The following RFNG variants were observed in gnomAD, a reference collection of about 807,000 sequenced individuals.
RFNG encodes the protein RFNG O-fucosylpeptide 3-beta-N-acetylglucosaminyltransferase, also known as beta-1,3-N-acetylglucosaminyltransferase radical fringe.
In RFNG, 37 loss-of-function variants were observed where a neutral mutation model predicts 29.6. The ratio of observed to expected loss-of-function variants is 1.25; its 90% confidence interval spans 0.96 to 1.65. RFNG has a LOEUF of 1.65. Ranked by LOEUF, RFNG falls within the 40% of genes most tolerant of loss-of-function variation. The pLI, the probability that RFNG is intolerant of heterozygous loss-of-function variation, is 0.00. For missense variants in RFNG, 546 were observed against 457.0 expected (o/e 1.19, Z -1.78); for synonymous variants, 276 against 197.3 (o/e 1.40, Z -3.34).
At position 82,051,400 on chromosome 17, in the gene RFNG, C is replaced by G. The variant is rs867394022; in HGVS notation, c.268-58G>C. 8.5e-6 allele frequency: 12 copies of G among 1,409,852 alleles called. 1 individual carries two copies. In the Middle Eastern group the frequency reaches 2.3e-3, roughly 275 times the overall value. The allele number at this position is 1,409,852 out of a possible 1,614,324, so 87.3% of individuals were successfully genotyped here. On this transcript the variant is annotated intron_variant, in intron 1 of 7. Transcript: ENST00000310496. This position sits in a 1 kb window ranked among gnomAD's most constrained non-coding sequence, Gnocchi z 4.1. ...GCGCTGCCCAGGCCGGAGACCGACCCGCCCCGCGCGGAGCCTCCGGGGGCC... is the reference window on the plus strand; with the variant it reads ...GCGCTGCCCAGGCCGGAGACCGACCGGCCCCGCGCGGAGCCTCCGGGGGCC...
At position 82,049,046 on chromosome 17, in the gene RFNG, T is replaced by A; in HGVS notation, c.899A>T (p.His300Leu). 6.2e-7 allele frequency: 1 copy of A among 1,613,370 alleles called. No individual in the cohort carries two copies. Among genetic ancestry groups the A allele is most frequent in the Non-Finnish European group, 8.5e-7 (1 of 1,179,862 alleles). Residue 300 changes from histidine to leucine, a missense_variant, in exon 7 of 8, where the codon CAT becomes CTT. By Grantham distance (99) the His-to-Leu change is moderately conservative. Transcript: ENST00000310496. ...VVNVAGGFSL[H>L]QDPTRFKSIH... is the part of the protein sequence containing the mutation. ...ACCTACTCACCGTGTGGGGTCTTGA[T>A]GCAGGCTGAAGCCTCCAGCCACGTT...
intron 6 of RFNG, 199 bp downstream of exon 6, chr17:82,049,478 G>A: frequency 4.1e-6 from 3 of 736,896 alleles, no homozygotes; most frequent in Non-Finnish European, 7.2e-6. Flanking sequence ...TCGTTCCTCT[G>A]CCCCAGACAC....
At position 82,048,423 on chromosome 17, in the gene RFNG, C is replaced by T. The variant is rs116691575; in HGVS notation, c.*303G>A. ...TGGAGCCCGGATGGCAGCTCCCTCC[C>T]AGGTGCGCAAGTGCTGGGGTGGAAG... On this transcript the variant is annotated 3_prime_UTR_variant, in exon 8 of 8. Transcript: ENST00000310496. The T allele has an allele frequency of 2.3e-4, 98 of 421,892 alleles. No homozygotes were observed. Among genetic ancestry groups the T allele is most frequent in the African/African-American group, 1.9e-3 (92 of 49,490 alleles). The allele number at this position is 421,892 out of a possible 1,614,324, so 26.1% of individuals were successfully genotyped here.
In RFNG at chr17:82,048,700, G is replaced by T. The variant is rs765797204; in HGVS notation, c.*26C>A. 3 of 1,599,690 alleles carry T rather than the reference G, an allele frequency of 1.9e-6. No individual in the cohort carries two copies. Among genetic ancestry groups the T allele is most frequent in the Admixed American group, 3.3e-5 (2 of 60,000 alleles). On this transcript the variant is annotated 3_prime_UTR_variant, in exon 8 of 8. Transcript: ENST00000310496. ...TTCCCCGCGCCTGGGACAGAGCCAG[G>T]CAGCCCTGGGTCGGGGTGGTTGGTG...
chr17:82,049,546 G>A (rs2030135853), intron 6 of RFNG, 131 bp downstream of exon 6: 1 of 1,095,794 alleles, frequency 9.1e-7, no homozygotes, highest in Non-Finnish European at 1.3e-6. Context: ...CCTGTCCAGG[G>A]TCCACCCCCA....
chr17:82,051,154 C>G lies in RFNG; in HGVS notation c.316+140G>C, dbSNP rs977036470. ...GTGGGCCCTCCGCAGGCCGCGTGACCTGGGCAGCGTCGGGGCCTCCCCGGG... is the reference window on the plus strand; with the variant it reads ...GTGGGCCCTCCGCAGGCCGCGTGACGTGGGCAGCGTCGGGGCCTCCCCGGG... On this transcript the variant is annotated intron_variant, in intron 2 of 7. Coordinates refer to ENST00000310496, the MANE Select transcript of RFNG (RefSeq NM_002917.2). This position sits in a 1 kb window ranked among gnomAD's most constrained non-coding sequence, Gnocchi z 4.1. 53 of 1,310,338 alleles carry G rather than the reference C, an allele frequency of 4.0e-5. No homozygotes were observed. The highest frequency in any genetic ancestry group is 5.1e-5 in the Non-Finnish European group (52 of 1,029,702). The allele number at this position is 1,310,338 out of a possible 1,614,324, so 81.2% of individuals were successfully genotyped here.
rs571964164 is a variant in RFNG at position 82,048,573 on chromosome 17, A to AG, written c.*152dup. 1.1e-4 allele frequency: 73 copies of AG among 653,592 alleles called. 1 individual carries two copies. The highest frequency in any genetic ancestry group is 1.1e-3 in the African/African-American group (60 of 55,254). The allele number at this position is 653,592 out of a possible 1,614,324, so 40.5% of individuals were successfully genotyped here. The stretch of plus-strand genomic sequence containing the variant: ...ACCGCAGCCCACCAGGGGCTGGGAG[A>AG]GGGGGGGCTGCAGGCTAGCCAGAGG... On this transcript the variant is annotated 3_prime_UTR_variant, in exon 8 of 8. Transcript: ENST00000310496.
chr17:82,050,842 C>CAA, intron 2 of RFNG, 78 bp from the exon 3 acceptor site: 1 of 1,502,142 alleles, frequency 6.7e-7, no homozygotes, highest in Non-Finnish European at 9.1e-7. Flanking sequence ...CACCTGCCCC[C>CAA]AAGGGCCAGG....
chr17:82,051,199 G>C lies in RFNG; in HGVS notation c.316+95C>G. 1 of 1,307,964 alleles carries C rather than the reference G, an allele frequency of 7.6e-7. No homozygotes were observed. Among genetic ancestry groups the C allele is most frequent in the Non-Finnish European group, 9.8e-7 (1 of 1,024,958 alleles). The allele number at this position is 1,307,964 out of a possible 1,614,324, so 81.0% of individuals were successfully genotyped here. On this transcript the variant is annotated intron_variant, in intron 2 of 7. Coordinates refer to ENST00000310496, the MANE Select transcript of RFNG (RefSeq NM_002917.2). The surrounding 1 kb of genome is among the most constrained non-coding windows in gnomAD (Gnocchi z 4.1). ...CCCGGGCCTCGGGAGCCTGGGCAGA[G>C]AAAGGCACCCACAGCAGCGAAGGGG...
chr17:82,049,849 G>A lies in RFNG; in HGVS notation c.663-7C>T, dbSNP rs766033714. 15 of 1,604,702 alleles carry A rather than the reference G, an allele frequency of 9.3e-6. No individual in the cohort carries two copies. Among genetic ancestry groups the A allele is most frequent in the East Asian group, 8.9e-5 (4 of 44,766 alleles). ...GCTCATGAAGCTGCCCAGGCTGGGG[G>A]GAGGCCGGTCAGCACCTTTCAGGTC... On this transcript the variant is annotated splice_region_variant and splice_polypyrimidine_tract_variant and intron_variant, in intron 5 of 7. Coordinates refer to ENST00000310496, the MANE Select transcript of RFNG (RefSeq NM_002917.2).
Position 82,051,458 on chromosome 17 carries a change from G to C in RFNG, c.267+42C>G. The C allele has an allele frequency of 7.4e-7, 1 of 1,342,698 alleles. No homozygotes were observed. Among genetic ancestry groups the C allele is most frequent in the Non-Finnish European group, 9.6e-7 (1 of 1,044,636 alleles). The allele number at this position is 1,342,698 out of a possible 1,614,324, so 83.2% of individuals were successfully genotyped here. A position where few individuals can be genotyped will look rare whatever the true frequency, so the allele number is the denominator to read the frequency against. ...GGCCTAGACCCTGGGAGGCGGGGCG[G>C]GTGGGCGTGGGGCTCGCCGTCGGGG... is the stretch of plus-strand genomic sequence containing the variant. On this transcript the variant is annotated intron_variant, in intron 1 of 7. Coordinates refer to ENST00000310496, the MANE Select transcript of RFNG (RefSeq NM_002917.2). This position sits in a 1 kb window ranked among gnomAD's most constrained non-coding sequence, Gnocchi z 4.1.
At chr17:82,049,304 G>A (rs759723628) in intron 6 of RFNG, 188 bp from the exon 7 acceptor site, 34 of 705,092 alleles carry the variant, frequency 4.8e-5, no homozygotes, top group South Asian at 2.2e-4. Flanking sequence ...GGCAGAGCCT[G>A]GGGGACAGAA....
rs755250241 is a variant in RFNG at position 82,048,788 on chromosome 17, G to A, written c.934C>T (p.Leu312Phe). Reference sequence around the variant, plus strand: ...CACCAGTCCGTGTCTGGGTACAGAAGACAATGGATAGACTTAAACCTGGGG... The same window carrying A: ...CACCAGTCCGTGTCTGGGTACAGAAAACAATGGATAGACTTAAACCTGGGG... Reference protein sequence around the residue: ...DPTRFKSIHCLLYPDTDWCPR... With the variant: ...DPTRFKSIHCFLYPDTDWCPR... Residue 312 changes from leucine to phenylalanine, a missense_variant, in exon 8 of 8, where the codon CTT (leucine) becomes TTT (phenylalanine). Leu to Phe is a conservative substitution (Grantham distance 22, BLOSUM62 0). Transcript: ENST00000310496. 33 of 1,613,154 alleles carry A rather than the reference G, an allele frequency of 2.0e-5. No homozygotes were observed. Among genetic ancestry groups the A allele is most frequent in the Admixed American group, 6.7e-5 (4 of 60,008 alleles).
In RFNG at chr17:82,049,843, C is replaced by T; in HGVS notation, c.663-1G>A. ...AGCTGTGCTCATGAAGCTGCCCAGG[C>T]TGGGGGGAGGCCGGTCAGCACCTTT... On this transcript the variant is annotated splice_acceptor_variant, in intron 5 of 7. Coordinates refer to ENST00000310496, the MANE Select transcript of RFNG (RefSeq NM_002917.2). LOFTEE classifies it high-confidence loss of function. The T allele has an allele frequency of 6.2e-7, 1 of 1,603,008 alleles. No individual in the cohort carries two copies. Among genetic ancestry groups the T allele is most frequent in the Non-Finnish European group, 8.5e-7 (1 of 1,174,870 alleles).
chr17:82,050,414 C>T lies in RFNG; in HGVS notation c.561G>A (p.Gln187=). The change falls in exon 4 of 8, where the codon CAG becomes CAA. Residue 187 remains glutamine (Q), a synonymous_variant. Transcript: ENST00000310496. ...DHPIEATERV[Q]GGRTVTTVKF... ...CTCCGACACTCACAGTTCTGCCACC[C>T]TGGACCCTCTCGGTGGCCTCAATGG... is the stretch of plus-strand genomic sequence containing the variant. The T allele has an allele frequency of 6.3e-7, 1 of 1,590,820 alleles. No homozygotes were observed. The highest frequency in any genetic ancestry group is 1.4e-5 in the African/African-American group (1 of 73,706).
rs766922457 is a variant in RFNG, at chr17:82,048,694, A to T, written c.*32T>A. 2.5e-6 allele frequency: 4 copies of T among 1,586,490 alleles called. No individual in the cohort carries two copies. The Admixed American group carries it at 6.7e-5, about 26-fold the overall frequency. ...CTCTGGTTCCCCGCGCCTGGGACAGAGCCAGGCAGCCCTGGGTCGGGGTGG... is the reference window on the plus strand; with the variant it reads ...CTCTGGTTCCCCGCGCCTGGGACAGTGCCAGGCAGCCCTGGGTCGGGGTGG... On this transcript the variant is annotated 3_prime_UTR_variant, in exon 8 of 8. Coordinates refer to ENST00000310496, the MANE Select transcript of RFNG (RefSeq NM_002917.2).
chr17:82,051,059 G>C lies in RFNG; in HGVS notation c.316+235C>G, dbSNP rs538579449. 1.6e-3 allele frequency: 2,145 copies of C among 1,381,120 alleles called. 9 individuals are homozygous for C. The highest frequency in any genetic ancestry group is 1.8e-3 in the Non-Finnish European group (1,982 of 1,073,022). The allele number at this position is 1,381,120 out of a possible 1,614,324, so 85.6% of individuals were successfully genotyped here. A position where few individuals can be genotyped will look rare whatever the true frequency, so the allele number is the denominator to read the frequency against. On this transcript the variant is annotated intron_variant, in intron 2 of 7. Transcript: ENST00000310496. This position sits in a 1 kb window ranked among gnomAD's most constrained non-coding sequence, Gnocchi z 4.1. The stretch of plus-strand genomic sequence containing the variant: ...CTGCTGGCGCTTCTTCAGGGGACGT[G>C]GCACTAGCCCCACGCCCCGGGAAGC...
chr17:82,049,583 T>A (rs1228078104), intron 6 of RFNG, 94 bp downstream of exon 6: 1 of 1,402,560 alleles, frequency 7.1e-7, no homozygotes, highest in African/African-American at 1.4e-5. Context: ...ACCTGCCTGC[T>A]CAGCCGGGCA....
rs761553868 is a variant in RFNG, at chr17:82,049,105, G to A, written c.840C>T (p.Ser280=). 8 of 1,613,210 alleles carry A rather than the reference G, an allele frequency of 5.0e-6. No homozygotes were observed. Among genetic ancestry groups the A allele is most frequent in the South Asian group, 3.3e-5 (3 of 91,076 alleles). The change falls in exon 7 of 8, where the codon AGC becomes AGT. Residue 280 remains serine, a synonymous_variant. Transcript: ENST00000310496. ...TATGTGGGTTCTCAGGACCCCCATG[G>A]CTCAAGGTAACCTGGGAGGGAAGGG... is the stretch of plus-strand genomic sequence containing the variant. The part of the protein sequence containing the change: ...PDTLLQQVTL[S]HGGPENPHNV...
Sources: gnomAD v4.1 joint callset for allele counts on GRCh38, gnomAD v4.1.1 for gene constraint, Gnocchi (gnomAD v3.1) non-coding constraint, MANE v1.5 for transcripts, NCBI Gene and HGNC (gene_info 2026-07-23, HGNC 2026-07-21) for gene names.